Variants in LRMDA observed in about 807,000 individuals in gnomAD.
LRMDA encodes leucine-rich melanocyte differentiation-associated protein.
In LRMDA, 18 loss-of-function variants were observed where a neutral mutation model predicts 29.8. That is an observed-to-expected ratio of 0.60 (90% CI 0.42 to 0.90). LRMDA has a LOEUF of 0.90. Among genes scored for constraint, LRMDA ranks in the 40% least tolerant of loss-of-function variants. LRMDA has a pLI of 0.00. For synonymous variants in LRMDA, 125 were observed against 109.4 expected, an observed-to-expected ratio of 1.14 and a Z score of -0.89; for missense variants, 273 against 273.9, an observed-to-expected ratio of 1.00 and a Z score of 0.02.
chr10:75,605,877 A>T (rs1168296089), intron 2 of LRMDA, among the ~76,000 whole-genome samples: 1 of 152,020 alleles, frequency 6.6e-6, no homozygotes, highest in Non-Finnish European at 1.5e-5. Context: ...TTTCTTTTTG[A>T]GACGGGGTCT....
intron 2 of LRMDA, among the ~76,000 whole-genome samples, chr10:76,000,862 GT>G (rs1275858522): frequency 6.6e-6 from 1 of 152,140 alleles, no homozygotes; most frequent in African/African-American, 2.4e-5. Flanking sequence ...GATGCTTGGT[GT>G]TGAGAGTCTG....
intron 2 of LRMDA, among the ~76,000 whole-genome samples, chr10:76,016,314 T>C (rs982243974): frequency 3.3e-5 from 5 of 152,182 alleles, no homozygotes; most frequent in African/African-American, 1.2e-4. Context: ...ATATTACTCA[T>C]TGCCCTTACA....
chr10:75,902,821 G>T (rs1357237881), intron 2 of LRMDA, among the ~76,000 whole-genome samples: 1 of 152,144 alleles, frequency 6.6e-6, no homozygotes, highest in South Asian at 2.1e-4. Context: ...CCAACCCAGG[G>T]CTTAGAAGAG....
At chr10:75,507,111 T>G (rs866352819) in intron 2 of LRMDA, among the ~76,000 whole-genome samples, 2 of 78,260 alleles carry the variant, frequency 2.6e-5, no homozygotes, top group Middle Eastern at 6.6e-3. Flanking sequence ...TTCTGGCATC[T>G]TTTTTTTTTT....
chr10:76,355,427 A>G (rs1317064456), intron 6 of LRMDA, among the ~76,000 whole-genome samples: 1 of 152,204 alleles, frequency 6.6e-6, no homozygotes, highest in Non-Finnish European at 1.5e-5. Context: ...TTTGTTCAAT[A>G]TGAGAATGGA....
At chr10:75,506,046 C>A (rs1298814366) in intron 2 of LRMDA, among the ~76,000 whole-genome samples, 1 of 152,118 alleles carries the variant, frequency 6.6e-6, no homozygotes, top group Non-Finnish European at 1.5e-5. Context: ...TTTGGCTGAC[C>A]CCTGGGAGTC....
intron 2 of LRMDA, among the ~76,000 whole-genome samples, chr10:75,632,794 T>G (rs1222669055): frequency 7.3e-6 from 1 of 137,748 alleles, no homozygotes; most frequent in African/African-American, 2.8e-5. Flanking sequence ...TTTTTTTTTT[T>G]TTTTTTTTTT....
chr10:76,443,301 G>A (rs912212590), intron 6 of LRMDA, among the ~76,000 whole-genome samples: 8 of 152,136 alleles, frequency 5.3e-5, no homozygotes, highest in Admixed American at 1.3e-4. Flanking sequence ...AATGCTTACC[G>A]TTCAAGTTGG....
chr10:76,115,420 C>G (rs913754203), intron 5 of LRMDA, among the ~76,000 whole-genome samples: 1 of 152,220 alleles, frequency 6.6e-6, no homozygotes, highest in African/African-American at 2.4e-5. Flanking sequence ...GCAGAGTCGT[C>G]GTCCTCCTCC....
At chr10:76,507,014 T>C (rs557515307) in intron 6 of LRMDA, among the ~76,000 whole-genome samples, 44 of 152,102 alleles carry the variant, frequency 2.9e-4, no homozygotes, top group African/African-American at 1.1e-3. Context: ...AGTTCTACTG[T>C]TTATAAATTT....
rs1280705970 is a variant in LRMDA, at chr10:75,913,238, C to T, written c.132-122770C>T. Among the ~76,000 whole-genome samples, 3 of 152,296 alleles carry T rather than the reference C, an allele frequency of 2.0e-5. No individual in the cohort carries two copies. In the East Asian group the frequency reaches 5.8e-4, roughly 29 times the overall value. ...CTTTGGGAGGCCAAGGCTGGTGGAT[C>T]ATGAGGTCAGGAGTTGGAGACTAGC... On this transcript the variant is annotated intron_variant, in intron 2 of 6. Transcript: ENST00000611255.
intron 3 of LRMDA, among the ~76,000 whole-genome samples, chr10:76,045,370 G>T (rs936090070): frequency 7.9e-6 from 1 of 126,412 alleles, no homozygotes; most frequent in East Asian, 2.4e-4. Flanking sequence ...TCTCCCTCTG[G>T]TTAGTTTCCT....
chr10:76,044,110 C>A (rs965797876), intron 3 of LRMDA, among the ~76,000 whole-genome samples: 1 of 152,204 alleles, frequency 6.6e-6, no homozygotes, highest in African/African-American at 2.4e-5. Context: ...TCTGGCTGTC[C>A]TTCCTGGAAC....
chr10:76,003,056 G>A (rs984689723), intron 2 of LRMDA, among the ~76,000 whole-genome samples: 3 of 152,164 alleles, frequency 2.0e-5, no homozygotes, highest in Non-Finnish European at 4.4e-5. Context: ...GGATGGAGGT[G>A]GGGCGTTGGT....
At chr10:76,328,212 G>A (rs1224400337) in intron 6 of LRMDA, among the ~76,000 whole-genome samples, 2 of 152,180 alleles carry the variant, frequency 1.3e-5, no homozygotes, top group Non-Finnish European at 2.9e-5. Flanking sequence ...GTTATGAGGA[G>A]CGCTAAAATA....
At chr10:75,987,959 T>A (rs991249636) in intron 2 of LRMDA, among the ~76,000 whole-genome samples, 7 of 152,232 alleles carry the variant, frequency 4.6e-5, no homozygotes, top group African/African-American at 1.7e-4. Flanking sequence ...AAATATTCAT[T>A]TGGCATTAGC....
At chr10:75,936,568 C>T (rs1049640107) in intron 2 of LRMDA, among the ~76,000 whole-genome samples, 1 of 152,076 alleles carries the variant, frequency 6.6e-6, no homozygotes, top group Non-Finnish European at 1.5e-5. Flanking sequence ...AACAAATTAC[C>T]ACAGATTGGG....
chr10:75,692,219 A>AAAATATATATATATATATAT (rs1353540469), intron 2 of LRMDA, among the ~76,000 whole-genome samples: 3 of 87,564 alleles, frequency 3.4e-5, no homozygotes, highest in African/African-American at 1.7e-4. Context: ...AAAAAAAAAA[A>AAAATATATATATATATATAT]ATATATATAT....
rs533886985 is a variant in LRMDA, at chr10:75,822,780, G to A, written c.132-213228G>A. On this transcript the variant is annotated intron_variant, in intron 2 of 6. Coordinates refer to ENST00000611255, the MANE Select transcript of LRMDA (RefSeq NM_001305581.2). ...TTACTCTTTCACCCAAAGCTGGAGTGCACTGGTGAGAGCTCAATGTAGCCT... is the reference window on the plus strand; with the variant it reads ...TTACTCTTTCACCCAAAGCTGGAGTACACTGGTGAGAGCTCAATGTAGCCT... Among the ~76,000 whole-genome samples, 5 of 152,146 alleles carry A rather than the reference G, an allele frequency of 3.3e-5. No homozygotes were observed. In the South Asian group the frequency reaches 8.3e-4, roughly 25 times the overall value.
Sources: gnomAD v4.1 joint callset for allele counts (sites outside exome capture counted in the v4.1 genomes callset) on GRCh38, gnomAD v4.1.1 for gene constraint, MANE v1.5 for transcripts, NCBI Gene and HGNC (gene_info 2026-07-23, HGNC 2026-07-21) for gene names.